The following ARHGAP42 variants were observed in gnomAD, a reference collection of about 807,000 sequenced individuals.
The protein encoded by ARHGAP42 is Rho GTPase activating protein 42.
In ARHGAP42, 63 loss-of-function variants were observed where a neutral mutation model predicts 125.0. The ratio of observed to expected loss-of-function variants is 0.50; its 90% CI spans 0.41 to 0.62. ARHGAP42 has a LOEUF of 0.62. Among genes scored for constraint, ARHGAP42 ranks in the 20% least tolerant of loss-of-function variants. The probability of loss-of-function intolerance (pLI) is 0.00; values close to 1 mark genes in which losing one functional copy is unlikely to be tolerated. For synonymous variants in ARHGAP42, 339 were observed against 351.0 expected, an observed-to-expected ratio of 0.97 and a Z score of 0.38; for missense variants, 766 against 1,024.2, an observed-to-expected ratio of 0.75 and a Z score of 3.44.
At chr11:100,853,141 A>AT (rs1865244134) in intron 3 of ARHGAP42, among the ~76,000 whole-genome samples, 1 of 152,124 alleles carries the variant, frequency 6.6e-6, no homozygotes, top group Non-Finnish European at 1.5e-5. Context: ...TCAAAAAAGT[A>AT]TTTTTTTAAA....
chr11:100,957,863 A>G (rs916280167), intron 12 of ARHGAP42, among the ~76,000 whole-genome samples: 2 of 152,168 alleles, frequency 1.3e-5, no homozygotes, highest in Admixed American at 6.6e-5. Flanking sequence ...CAGCCTGGTT[A>G]TTACTTATTT....
chr11:100,703,347 G>C (rs895624855), intron 1 of ARHGAP42, among the ~76,000 whole-genome samples: 1 of 152,096 alleles, frequency 6.6e-6, no homozygotes, highest in Non-Finnish European at 1.5e-5. Flanking sequence ...TTTTGTGTGG[G>C]CCAATGGAAA....
intron 22 of ARHGAP42, among the ~76,000 whole-genome samples, chr11:100,985,060 C>T (rs951527371): frequency 6.6e-6 from 1 of 152,116 alleles, no homozygotes; most frequent in Admixed American, 6.6e-5. Flanking sequence ...ATATGTATGT[C>T]TTTATTTATT....
At chr11:100,897,085 G>A (rs560612610) in intron 4 of ARHGAP42, among the ~76,000 whole-genome samples, 3,918 of 152,134 alleles carry the variant, frequency 0.026, 177 homozygotes, top group African/African-American at 0.089. Flanking sequence ...AGCACCATTT[G>A]TTAAATAGGG....
At chr11:100,948,796 A>G (rs1004361995) in intron 11 of ARHGAP42, among the ~76,000 whole-genome samples, 6 of 152,056 alleles carry the variant, frequency 3.9e-5, no homozygotes, top group Non-Finnish European at 7.4e-5. Context: ...ACTTACACTC[A>G]TCACCTTGGC....
At chr11:100,926,203 ACTAC>A (rs1867417676) in intron 6 of ARHGAP42, among the ~76,000 whole-genome samples, 1 of 152,226 alleles carries the variant, frequency 6.6e-6, no homozygotes, top group Non-Finnish European at 1.5e-5. Flanking sequence ...TTTGTGAGCA[ACTAC>A]TATGTGCTAT....
intron 14 of ARHGAP42, 56 bp downstream of exon 14, chr11:100,961,045 A>G (rs1483791597): frequency 8.2e-7 from 1 of 1,224,210 alleles, no homozygotes; most frequent in Admixed American, 2.5e-5. Flanking sequence ...GGTAATCTAA[A>G]GTATGGACTT....
At chr11:100,883,404 G>A (rs949016483) in intron 4 of ARHGAP42, among the ~76,000 whole-genome samples, 3 of 152,116 alleles carry the variant, frequency 2.0e-5, no homozygotes, top group African/African-American at 7.2e-5. Context: ...GCAGTGGTGT[G>A]TGATCTTGGC....
At chr11:100,952,281 A>G (rs760790029) in intron 12 of ARHGAP42, among the ~76,000 whole-genome samples, 2 of 152,096 alleles carry the variant, frequency 1.3e-5, no homozygotes, top group Admixed American at 6.6e-5. Context: ...AGACATATCA[A>G]CTGATGACAA....
chr11:100,796,768 C>CTTTTT (rs35175302), intron 3 of ARHGAP42, among the ~76,000 whole-genome samples: 14 of 119,010 alleles, frequency 1.2e-4, no homozygotes, highest in Admixed American at 1.1e-3. Context: ...CTTTTTAATT[C>CTTTTT]TTTTTTTTTT....
rs141006768 is a variant in ARHGAP42 at position 100,986,183 on chromosome 11, C to G, written c.2457-1330C>G. The G allele has an allele frequency of 7.1e-4, 316 of 442,746 alleles. 1 individual carries two copies. The highest frequency in any genetic ancestry group is 5.8e-3 in the African/African-American group (289 of 49,616). 27.4% of individuals were successfully genotyped at this position (442,746 alleles called of 1,614,324 possible). On this transcript the variant is annotated intron_variant, in intron 22 of 23. Coordinates refer to ENST00000298815, the MANE Select transcript of ARHGAP42 (RefSeq NM_152432.4). ...AGCAATAATAACAAAATACCAGATACTAACACCATGCAGACTTGAAGCAGG... is the reference window on the plus strand; with the variant it reads ...AGCAATAATAACAAAATACCAGATAGTAACACCATGCAGACTTGAAGCAGG...
intron 1 of ARHGAP42, among the ~76,000 whole-genome samples, chr11:100,708,485 G>C (rs1010771469): frequency 6.6e-6 from 1 of 152,136 alleles, no homozygotes; most frequent in Non-Finnish European, 1.5e-5. Context: ...GCACACTCTA[G>C]CTTGAGTGAC....
intron 4 of ARHGAP42, among the ~76,000 whole-genome samples, chr11:100,894,164 T>A (rs1314679100): frequency 6.6e-6 from 1 of 152,216 alleles, no homozygotes; most frequent in Non-Finnish European, 1.5e-5. Context: ...TAAAGAAATA[T>A]CAGAATGTAT....
chr11:100,853,954 A>T (rs1466683856), intron 3 of ARHGAP42, among the ~76,000 whole-genome samples: 1 of 152,100 alleles, frequency 6.6e-6, no homozygotes, highest in Non-Finnish European at 1.5e-5. Context: ...GCCTACTCAA[A>T]AGAAAGAATT....
At chr11:100,865,627 A>G (rs764044991) in intron 4 of ARHGAP42, among the ~76,000 whole-genome samples, 23 of 152,228 alleles carry the variant, frequency 1.5e-4, no homozygotes, top group Admixed American at 6.5e-5. Flanking sequence ...CCTAAAACAA[A>G]TATCCCAATG....
chr11:100,877,612 A>G lies in ARHGAP42; in HGVS notation c.384+17987A>G, dbSNP rs573605313. On this transcript the variant is annotated intron_variant, in intron 4 of 23. Transcript: ENST00000298815. Reference sequence around the variant, plus strand: ...GAGATTCAGTTGTTTCAGAGGAAAAAACACAGGGTTTAAGTCAAGGAGAAC... The same window carrying G: ...GAGATTCAGTTGTTTCAGAGGAAAAGACACAGGGTTTAAGTCAAGGAGAAC... Among the ~76,000 whole-genome samples the G allele has an allele frequency of 1.3e-4, 20 of 152,318 alleles. No individual in the cohort carries two copies. In the South Asian group the frequency reaches 2.7e-3, roughly 21 times the overall value.
intron 6 of ARHGAP42, among the ~76,000 whole-genome samples, chr11:100,931,056 C>T (rs1054648976): frequency 6.6e-6 from 1 of 152,112 alleles, no homozygotes; most frequent in Non-Finnish European, 1.5e-5. Context: ...GTTTCCTATA[C>T]ACCTCATACA....
At position 100,921,538 on chromosome 11, in the gene ARHGAP42, A is replaced by C. The variant is rs1867267948; in HGVS notation, c.531A>C (p.Ala177=). The C allele has an allele frequency of 6.5e-7, 1 of 1,547,688 alleles. No homozygotes were observed. The highest frequency in any genetic ancestry group is 1.2e-5 in the South Asian group (1 of 83,084). The part of the protein sequence containing the change: ...IDREHQNFYE[A]SLEYVFKIQE... ...GAGAACATCAGAACTTCTATGAAGCATCATTAGAATATGTCTTTAAAATTC... is the reference window on the plus strand; with the variant it reads ...GAGAACATCAGAACTTCTATGAAGCCTCATTAGAATATGTCTTTAAAATTC... Residue 177 remains alanine (A), a synonymous_variant, in exon 6 of 24, where the codon GCA becomes GCC. Coordinates refer to ENST00000298815, the MANE Select transcript of ARHGAP42 (RefSeq NM_152432.4).
chr11:100,859,379 G>A, intron 3 of ARHGAP42, 175 bp from the exon 4 acceptor site: 1 of 457,096 alleles, frequency 2.2e-6, no homozygotes, highest in Non-Finnish European at 3.9e-6. Flanking sequence ...GAAATAATAT[G>A]CGAAAACAGC....
Sources: gnomAD v4.1 joint callset for allele counts (sites outside exome capture counted in the v4.1 genomes callset) on GRCh38, gnomAD v4.1.1 for gene constraint, MANE v1.5 for transcripts, NCBI Gene and HGNC (gene_info 2026-07-23, HGNC 2026-07-21) for gene names.